Variants in SLC26A11 observed in about 807,000 individuals in gnomAD.
SLC26A11 encodes sodium-independent sulfate anion transporter.
A neutral mutation model predicts 62.2 loss-of-function variants in SLC26A11; 58 were observed. That is an observed-to-expected ratio of 0.93 (90% CI 0.76 to 1.16). The LOEUF (loss-of-function observed/expected upper bound fraction) is 1.16. SLC26A11 is among the 50% of genes most tolerant of loss of function. The pLI is 0.00. For missense variants in SLC26A11, 790 were observed against 794.3 expected, an observed-to-expected ratio of 0.99 and a Z score of 0.06; for synonymous variants, 411 against 368.9, an observed-to-expected ratio of 1.11 and a Z score of -1.31.
At chr17:80,243,883 C>T (rs2042926558) in intron 10 of SLC26A11, among the ~76,000 whole-genome samples, 1 of 152,186 alleles carries the variant, frequency 6.6e-6, no homozygotes, top group South Asian at 2.1e-4. Context: ...CCATGAAGGC[C>T]AGGCTGGGAG....
rs377404252 is a variant in SLC26A11, at chr17:80,246,290, T to C, written c.1153+81T>C. The C allele has an allele frequency of 6.5e-7, 1 of 1,534,510 alleles. No individual in the cohort carries two copies. ...GGAGGGGGCCCACAGAGACGTCCCT[T>C]TGGCTCATGGGCCGTGCGCCCCGGG... On this transcript the variant is annotated intron_variant, in intron 12 of 17. Transcript: ENST00000361193. This position sits in a 1 kb window ranked among gnomAD's most constrained non-coding sequence, Gnocchi z 4.4.
At chr17:80,230,467 C>T (rs1427944221) in intron 7 of SLC26A11, among the ~76,000 whole-genome samples, 1 of 152,092 alleles carries the variant, frequency 6.6e-6, no homozygotes, top group Non-Finnish European at 1.5e-5. Context: ...TCGAGATTTT[C>T]TTGATAAAGG....
chr17:80,236,662 G>A (rs576776174), intron 7 of SLC26A11: 13 of 413,388 alleles, frequency 3.1e-5, no homozygotes, highest in Middle Eastern at 6.6e-4. Flanking sequence ...AGTCTTTGCC[G>A]CGGTGCACGA....
chr17:80,245,395 C>T, intron 11 of SLC26A11, 139 bp downstream of exon 11: 1 of 751,218 alleles, frequency 1.3e-6, no homozygotes. Context: ...GGCTGGGGGT[C>T]ACCCACTGTC....
chr17:80,228,282 G>A lies in SLC26A11; in HGVS notation c.736+322G>A, dbSNP rs2042468302. ...TGAGTAGCTGGGATTACAGGCGCAT[G>A]CCACCACGCTCGACTGATTTTTGTA... On this transcript the variant is annotated intron_variant, in intron 7 of 17. Transcript: ENST00000361193. This position sits in a 1 kb window ranked among gnomAD's most constrained non-coding sequence, Gnocchi z 4.1. Among the ~76,000 whole-genome samples the A allele has an allele frequency of 6.6e-6, 1 of 152,136 alleles. No individual in the cohort carries two copies. Among genetic ancestry groups the A allele is most frequent in the South Asian group, 2.1e-4 (1 of 4,828 alleles).
At chr17:80,248,088 C>T (rs113361368) in intron 13 of SLC26A11, 42 bp from the exon 14 acceptor site, 68,396 of 1,561,964 alleles carry the variant, frequency 0.044, 1,655 homozygotes, top group Middle Eastern at 0.1. Flanking sequence ...GTTGGGGCCT[C>T]GGGCAGCTGC....
chr17:80,243,582 G>A (rs538928203), intron 10 of SLC26A11, among the ~76,000 whole-genome samples: 1 of 152,260 alleles, frequency 6.6e-6, no homozygotes, highest in African/African-American at 2.4e-5. Context: ...ATTTTTAGTA[G>A]GACGAGGTTT....
rs756252044 is a variant in SLC26A11, at chr17:80,225,823, C to G, written c.514-14C>G. On this transcript the variant is annotated splice_polypyrimidine_tract_variant and intron_variant, in intron 5 of 17. Coordinates refer to ENST00000361193, the MANE Select transcript of SLC26A11 (RefSeq NM_001166347.2). Reference sequence around the variant, plus strand: ...GGAGCATAGCCTCTGATCAGCATCTCTGTGTTTGGACAGAACCTGCTGGGA... The same window carrying G: ...GGAGCATAGCCTCTGATCAGCATCTGTGTGTTTGGACAGAACCTGCTGGGA... 1 of 1,612,874 alleles carries G rather than the reference C, an allele frequency of 6.2e-7. No individual in the cohort carries two copies. Among genetic ancestry groups the G allele is most frequent in the Non-Finnish European group, 8.5e-7 (1 of 1,178,982 alleles).
At chr17:80,236,157 T>A (rs1470016845) in intron 7 of SLC26A11, among the ~76,000 whole-genome samples, 3 of 152,192 alleles carry the variant, frequency 2.0e-5, no homozygotes, top group African/African-American at 7.2e-5. Context: ...CTGGTGTGAA[T>A]CCTTGGGATT....
intron 9 of SLC26A11, among the ~76,000 whole-genome samples, chr17:80,237,871 T>C (rs576719353): frequency 3.3e-5 from 5 of 152,388 alleles, no homozygotes; most frequent in African/African-American, 9.6e-5. Context: ...CCCTTGCCGA[T>C]GTCCACGGTG....
chr17:80,229,878 C>T (rs570628613), intron 7 of SLC26A11, among the ~76,000 whole-genome samples: 5 of 152,106 alleles, frequency 3.3e-5, no homozygotes, highest in Admixed American at 2.0e-4. Context: ...CTTCAGGGCA[C>T]GCCCAGGGGA....
At position 80,228,155 on chromosome 17, in the gene SLC26A11, C is replaced by T. The variant is rs2042463988; in HGVS notation, c.736+195C>T. Among the ~76,000 whole-genome samples the T allele has an allele frequency of 1.3e-5, 2 of 152,038 alleles. No individual in the cohort carries two copies. Among genetic ancestry groups the T allele is most frequent in the Non-Finnish European group, 2.9e-5 (2 of 68,016 alleles). On this transcript the variant is annotated intron_variant, in intron 7 of 17. Coordinates refer to ENST00000361193, the MANE Select transcript of SLC26A11 (RefSeq NM_001166347.2). This position sits in a 1 kb window ranked among gnomAD's most constrained non-coding sequence, Gnocchi z 4.1. ...TTAATTAATTAATTATTTTTTGAGA[C>T]AGAGTTTCGCTCTGTCGCCCAGGCT...
At chr17:80,239,962 T>G (rs2042813208) in intron 9 of SLC26A11, among the ~76,000 whole-genome samples, 1 of 152,248 alleles carries the variant, frequency 6.6e-6, no homozygotes, top group Non-Finnish European at 1.5e-5. Context: ...CGTGGCTGCT[T>G]TCGTGGCACC....
intron 6 of SLC26A11, among the ~76,000 whole-genome samples, chr17:80,227,212 C>T (rs1043035054): frequency 6.6e-6 from 1 of 152,204 alleles, no homozygotes; most frequent in Non-Finnish European, 1.5e-5. Context: ...ATTGAAAGAA[C>T]TCATAATGTT....
Position 80,228,114 on chromosome 17 carries a change from T to C in SLC26A11, c.736+154T>C, listed in dbSNP as rs948310215. ...AAACACCACACCAAACTCTGGGACA[T>C]GTACTTTTTATTTAATTAATTAATT... On this transcript the variant is annotated intron_variant, in intron 7 of 17. Transcript: ENST00000361193. This position sits in a 1 kb window ranked among gnomAD's most constrained non-coding sequence, Gnocchi z 4.1. Among the ~76,000 whole-genome samples, 5 of 152,118 alleles carry C rather than the reference T, an allele frequency of 3.3e-5. No individual in the cohort carries two copies. The highest frequency in any genetic ancestry group is 7.4e-5 in the Non-Finnish European group (5 of 68,024).
In SLC26A11 at chr17:80,246,911, C is replaced by A. The variant is rs1212489114; in HGVS notation, c.1294+262C>A. 1.3e-5 allele frequency among the ~76,000 whole-genome samples: 2 copies of A among 152,034 alleles called. No individual in the cohort carries two copies. The highest frequency in any genetic ancestry group is 2.9e-5 in the Non-Finnish European group (2 of 67,986). ...ACCCGGGGGAGGGTCCCCTCCTGAT[C>A]CCCCTGCCCCCATCCCTACCCTCCT... On this transcript the variant is annotated intron_variant, in intron 13 of 17. Transcript: ENST00000361193. The surrounding 1 kb of genome is among the most constrained non-coding windows in gnomAD (Gnocchi z 4.4).
At chr17:80,244,932 G>A (rs957186799) in intron 10 of SLC26A11, among the ~76,000 whole-genome samples, 5 of 133,832 alleles carry the variant, frequency 3.7e-5, no homozygotes, top group African/African-American at 8.4e-5. Context: ...CTGAGATCGC[G>A]CCACTGCATT....
chr17:80,238,505 T>C (rs2042760650), intron 9 of SLC26A11, among the ~76,000 whole-genome samples: 1 of 152,190 alleles, frequency 6.6e-6, no homozygotes, highest in Non-Finnish European at 1.5e-5. Flanking sequence ...CAGGGAACCC[T>C]TCGTCTCCTT....
In SLC26A11 at chr17:80,223,094, C is replaced by T; in HGVS notation, c.428-158C>T. The T allele has an allele frequency of 1.3e-6, 1 of 771,204 alleles. No individual in the cohort carries two copies. 47.8% of individuals were successfully genotyped at this position (771,204 alleles called of 1,614,324 possible). On this transcript the variant is annotated intron_variant, in intron 4 of 17. Transcript: ENST00000361193. This position sits in a 1 kb window ranked among gnomAD's most constrained non-coding sequence, Gnocchi z 4.6. ...GACCCCAGTCTCCCTTTTCTGCTCT[C>T]CAAAAACAGCCAAACAGGGTGTGTT... is the stretch of plus-strand genomic sequence containing the variant.
Sources: allele counts gnomAD v4.1 joint callset (sites outside exome capture counted in the v4.1 genomes callset), GRCh38; gene constraint gnomAD v4.1.1; non-coding constraint Gnocchi (gnomAD v3.1); transcripts MANE v1.5; gene names NCBI Gene and HGNC (gene_info 2026-07-23, HGNC 2026-07-21).